The following PRDM10 variants were observed in gnomAD, a reference collection of about 807,000 sequenced individuals.
PRDM10 encodes PR/SET domain 10, also known as PR domain zinc finger protein 10.
A neutral mutation model predicts 133.1 loss-of-function variants in PRDM10; 65 were observed. The observed-to-expected ratio is 0.49, with a 90% CI of 0.40 to 0.60. The LOEUF (loss-of-function observed/expected upper bound fraction) is 0.60, where lower values mean the gene tolerates loss of function less well. Ranked by LOEUF, PRDM10 falls within the 20% of genes least tolerant of loss-of-function variation. The pLI is 0.00. For missense variants in PRDM10, 1,137 were observed against 1,507.1 expected (o/e 0.75, Z 4.07); for synonymous variants, 582 against 580.4 (o/e 1.00, Z -0.04).
At position 129,978,727 on chromosome 11, in the gene PRDM10, G is replaced by A. The variant is rs558694187; in HGVS notation, c.-118-17645C>T. On this transcript the variant is annotated intron_variant, in intron 1 of 20. Transcript: ENST00000360871. ...CTTTCCTTGTGCACAAAGGGCTGCA[G>A]AGACTATCAGCTCAGGTTTCCCATC... Among the ~76,000 whole-genome samples the A allele has an allele frequency of 9.9e-5, 15 of 152,206 alleles. No homozygotes were observed. In the South Asian group the frequency reaches 3.1e-3, roughly 31 times the overall value.
chr11:129,936,802 G>A (rs573267782), intron 8 of PRDM10, among the ~76,000 whole-genome samples: 12 of 152,252 alleles, frequency 7.9e-5, no homozygotes, highest in Admixed American at 2.0e-4. Flanking sequence ...CTGAAGTCAG[G>A]GGTGTCTTGA....
At chr11:129,955,642 T>A (rs1565494068) in intron 3 of PRDM10, 71 bp from the exon 4 acceptor site, 1 of 1,454,612 alleles carries the variant, frequency 6.9e-7, no homozygotes, top group Non-Finnish European at 9.6e-7. Flanking sequence ...AAAATTATCC[T>A]ACTGCTAAGC....
At chr11:129,908,593 T>G (rs1410755896) in intron 19 of PRDM10, among the ~76,000 whole-genome samples, 1 of 152,124 alleles carries the variant, frequency 6.6e-6, no homozygotes, top group African/African-American at 2.4e-5. Flanking sequence ...CAAGGTTGGG[T>G]GTAAGTTGGT....
intron 19 of PRDM10, among the ~76,000 whole-genome samples, chr11:129,908,889 G>A (rs1950095659): frequency 6.6e-6 from 1 of 151,762 alleles, no homozygotes; most frequent in Non-Finnish European, 1.5e-5. Context: ...ACCAGACGTG[G>A]CTAATTTTTT....
intron 8 of PRDM10, 113 bp downstream of exon 8, chr11:129,937,485 G>A: frequency 1.2e-6 from 1 of 847,508 alleles, no homozygotes; most frequent in African/African-American, 1.8e-5. Flanking sequence ...AAAACCTACT[G>A]GAATAACTTC....
In PRDM10 at chr11:129,923,243, C is replaced by T; in HGVS notation, c.2034+5G>A. The T allele has an allele frequency of 6.4e-7, 1 of 1,572,994 alleles. No individual in the cohort carries two copies. Among genetic ancestry groups the T allele is most frequent in the African/African-American group, 1.3e-5 (1 of 74,382 alleles). On this transcript the variant is annotated splice_donor_5th_base_variant and intron_variant, in intron 13 of 20. Transcript: ENST00000360871. This position sits in a 1 kb window ranked among gnomAD's most constrained non-coding sequence, Gnocchi z 4.4. ...ACCACCTTGGGCTGTGCCTTGGTGT[C>T]ATACCTTAAATTGCTTCCCACAGGT... is the stretch of plus-strand genomic sequence containing the variant.
intron 1 of PRDM10, among the ~76,000 whole-genome samples, chr11:129,982,818 G>A (rs1442842943): frequency 6.6e-6 from 1 of 151,812 alleles, no homozygotes; most frequent in African/African-American, 2.4e-5. Flanking sequence ...AAATTAGCTG[G>A]GCATGGTGGT....
Position 129,945,162 on chromosome 11 carries a change from C to T in PRDM10, c.521-150G>A. 1 of 980,292 alleles carries T rather than the reference C, an allele frequency of 1.0e-6. No individual in the cohort carries two copies. The highest frequency in any genetic ancestry group is 1.6e-5 in the South Asian group (1 of 63,050). The allele number at this position is 980,292 out of a possible 1,614,324, so 60.7% of individuals were successfully genotyped here. A position where few individuals can be genotyped will look rare whatever the true frequency, so the allele number is the denominator to read the frequency against. Reference sequence around the variant, plus strand: ...TGGCGCTACCCATTCAACGGTAATACATTCTCTCTGGGAGACCAGTAAAAA... The same window carrying T: ...TGGCGCTACCCATTCAACGGTAATATATTCTCTCTGGGAGACCAGTAAAAA... On this transcript the variant is annotated intron_variant, in intron 5 of 20. Coordinates refer to ENST00000360871, the MANE Select transcript of PRDM10 (RefSeq NM_199437.2). The surrounding 1 kb of genome is among the most constrained non-coding windows in gnomAD (Gnocchi z 4.2).
intron 10 of PRDM10, among the ~76,000 whole-genome samples, 195 bp downstream of exon 10, chr11:129,931,907 G>A (rs1950881262): frequency 6.6e-6 from 1 of 152,166 alleles, no homozygotes; most frequent in Admixed American, 6.5e-5. Context: ...AGCAAAGTTG[G>A]GTTTTTGTTG....
chr11:129,951,417 C>A (rs1235817512), intron 4 of PRDM10, among the ~76,000 whole-genome samples: 1 of 152,202 alleles, frequency 6.6e-6, no homozygotes, highest in African/African-American at 2.4e-5. Flanking sequence ...ACACATGTCC[C>A]TGAGGTCATA....
chr11:129,944,849 G>C lies in PRDM10; in HGVS notation c.684C>G (p.Pro228=). The C allele has an allele frequency of 6.2e-7, 1 of 1,614,152 alleles. No individual in the cohort carries two copies. Among genetic ancestry groups the C allele is most frequent in the Non-Finnish European group, 8.5e-7 (1 of 1,180,030 alleles). Residue 228 remains proline, a synonymous_variant, in exon 6 of 21, where the codon CCC becomes CCG. Coordinates refer to ENST00000360871, the MANE Select transcript of PRDM10 (RefSeq NM_199437.2). ...LGGVFSKRRI[P]KRTQFGPVEG... is the part of the protein sequence containing the mutation. ...CCACGGGGCCAAACTGGGTGCGCTT[G>C]GGGATGCGCCGCTTGGAGAACACCC... is the stretch of plus-strand genomic sequence containing the variant.
At chr11:129,942,318 C>T (rs891420492) in intron 7 of PRDM10, 108 bp downstream of exon 7, 2 of 1,113,562 alleles carry the variant, frequency 1.8e-6, no homozygotes, top group Non-Finnish European at 2.6e-6. Context: ...AATGACCCCC[C>T]TCCCCCTTTT....
At chr11:129,961,190 C>G (rs540423382) in intron 1 of PRDM10, 108 bp from the exon 2 acceptor site, 11 of 465,126 alleles carry the variant, frequency 2.4e-5, no homozygotes, top group Non-Finnish European at 4.2e-5. Flanking sequence ...AAAAGCAACA[C>G]GCCTGGGCAA....
chr11:129,904,927 A>G (rs750436649), intron 20 of PRDM10, among the ~76,000 whole-genome samples: 1 of 152,264 alleles, frequency 6.6e-6, no homozygotes, highest in Non-Finnish European at 1.5e-5. Context: ...TGCCCAACTT[A>G]GATAATTTAT....
At position 129,967,890 on chromosome 11, in the gene PRDM10, C is replaced by T. The variant is rs540945444; in HGVS notation, c.-118-6808G>A. The stretch of plus-strand genomic sequence containing the variant: ...TGCCCTCCTAGGAGTCCTGAGTTCC[C>T]ATCATGCCCTTCACCCCACAGCCCT... On this transcript the variant is annotated intron_variant, in intron 1 of 20. Coordinates refer to ENST00000360871, the MANE Select transcript of PRDM10 (RefSeq NM_199437.2). Among the ~76,000 whole-genome samples the T allele has an allele frequency of 5.9e-5, 9 of 152,248 alleles. No homozygotes were observed. In the South Asian group the frequency reaches 1.9e-3, roughly 32 times the overall value.
chr11:129,930,857 T>G (rs57791744), intron 11 of PRDM10, among the ~76,000 whole-genome samples, 159 bp downstream of exon 11: 1 of 151,968 alleles, frequency 6.6e-6, no homozygotes, highest in Admixed American at 6.5e-5. Flanking sequence ...CATTGAGAAA[T>G]AGTGAACACT....
intron 8 of PRDM10, 51 bp downstream of exon 8, chr11:129,937,547 T>A: frequency 6.5e-7 from 1 of 1,530,920 alleles, no homozygotes. Context: ...AGATGTGATA[T>A]ATACAATTTA....
At chr11:129,972,565 T>C (rs1472862016) in intron 1 of PRDM10, among the ~76,000 whole-genome samples, 1 of 152,184 alleles carries the variant, frequency 6.6e-6, no homozygotes, top group Non-Finnish European at 1.5e-5. Context: ...ACTTCTATTT[T>C]ATAAAATCAC....
Position 129,910,656 on chromosome 11 carries a change from C to A in PRDM10, c.2983G>T (p.Val995Leu). 1 of 1,555,502 alleles carries A rather than the reference C, an allele frequency of 6.4e-7. No individual in the cohort carries two copies. The highest frequency in any genetic ancestry group is 8.7e-7 in the Non-Finnish European group (1 of 1,151,404). The change falls in exon 19 of 21, where the codon GTA becomes TTA. Residue 995 changes from valine to leucine, a missense_variant and splice_region_variant. Physicochemically the swap from Val to Leu is conservative, Grantham distance 32 (BLOSUM62 1). Transcript: ENST00000360871. ...PTASAPSSAQ[V>L]SGQPLSPSAQ... ...GAGGGACTCAACGGCTGCCCAGATA[C>A]CTGGGGAGAAAGAGAAAGCAATGGT... is the stretch of plus-strand genomic sequence containing the variant.
Sources: allele counts gnomAD v4.1 joint callset (sites outside exome capture counted in the v4.1 genomes callset), GRCh38; gene constraint gnomAD v4.1.1; non-coding constraint Gnocchi (gnomAD v3.1); transcripts MANE v1.5; gene names NCBI Gene and HGNC (gene_info 2026-07-23, HGNC 2026-07-21).